NKAIN2: variants seen among roughly 807,000 people sequenced by gnomAD.
NKAIN2 encodes sodium/potassium-transporting ATPase subunit beta-1-interacting protein 2.
NKAIN2 carries 14 observed loss-of-function variants against 32.6 expected under a neutral mutation model. That is an observed-to-expected ratio of 0.43 (90% CI 0.28 to 0.67). NKAIN2 has a LOEUF of 0.67. NKAIN2 is among the 30% of genes least tolerant of loss of function. The probability of loss-of-function intolerance (pLI) is 0.17; values close to 1 mark genes in which losing one functional copy is unlikely to be tolerated. For missense variants in NKAIN2, 198 were observed against 258.3 expected, an observed-to-expected ratio of 0.77 and a Z score of 1.60; for synonymous variants, 80 against 87.2, an observed-to-expected ratio of 0.92 and a Z score of 0.46.
intron 4 of NKAIN2, among the ~76,000 whole-genome samples, chr6:124,715,448 T>C (rs1775706662): frequency 6.6e-6 from 1 of 152,308 alleles, no homozygotes; most frequent in African/African-American, 2.4e-5. Context: ...GACTTAGCCT[T>C]GAGCTCTGCT....
chr6:124,620,885 T>G (rs1783080561), intron 3 of NKAIN2, among the ~76,000 whole-genome samples: 1 of 152,180 alleles, frequency 6.6e-6, no homozygotes, highest in Admixed American at 6.5e-5. Flanking sequence ...AAAACAAGAT[T>G]AGAAACTGTC....
At chr6:123,817,703 T>G (rs1773751897) in intron 1 of NKAIN2, among the ~76,000 whole-genome samples, 1 of 152,164 alleles carries the variant, frequency 6.6e-6, no homozygotes, top group Non-Finnish European at 1.5e-5. Flanking sequence ...GAAAACTCCT[T>G]AGATTATTTT....
intron 3 of NKAIN2, among the ~76,000 whole-genome samples, chr6:124,377,141 G>A (rs1009372385): frequency 2.0e-5 from 3 of 152,132 alleles, no homozygotes; most frequent in African/African-American, 7.2e-5. Context: ...CACTAAAAAT[G>A]GGTGATATTT....
At chr6:124,578,775 C>T (rs948721896) in intron 3 of NKAIN2, among the ~76,000 whole-genome samples, 3 of 152,096 alleles carry the variant, frequency 2.0e-5, no homozygotes, top group African/African-American at 7.2e-5. Context: ...GTGCTGGCTT[C>T]AGGTCTGACC....
At chr6:124,031,404 T>C (rs557592672) in intron 1 of NKAIN2, among the ~76,000 whole-genome samples, 3 of 152,284 alleles carry the variant, frequency 2.0e-5, no homozygotes, top group Middle Eastern at 3.4e-3. Flanking sequence ...TGTGTCTCTA[T>C]CTCCTTCAGT....
intron 4 of NKAIN2, among the ~76,000 whole-genome samples, chr6:124,777,289 A>G (rs1317407070): frequency 2.6e-5 from 4 of 152,180 alleles, no homozygotes. Context: ...GCCAGGGAGA[A>G]TGTAGCCTTT....
chr6:123,979,738 A>G (rs17086390), intron 1 of NKAIN2, among the ~76,000 whole-genome samples: 2,972 of 152,298 alleles, frequency 0.02, 97 homozygotes, highest in African/African-American at 0.068. Context: ...CAGTTAATTC[A>G]AAGAGATGAA....
chr6:124,545,695 C>A (rs1363062494), intron 3 of NKAIN2, among the ~76,000 whole-genome samples: 4 of 151,244 alleles, frequency 2.6e-5, no homozygotes, highest in Non-Finnish European at 4.4e-5. Context: ...TTATTCCTTG[C>A]CTTTGTGTGC....
At chr6:123,978,518 G>T (rs946908577) in intron 1 of NKAIN2, among the ~76,000 whole-genome samples, 12 of 152,180 alleles carry the variant, frequency 7.9e-5, no homozygotes, top group African/African-American at 2.9e-4. Flanking sequence ...CTAACCACCT[G>T]TGCTGATACA....
At chr6:124,046,716 G>T (rs1782151954) in intron 1 of NKAIN2, among the ~76,000 whole-genome samples, 1 of 151,916 alleles carries the variant, frequency 6.6e-6, no homozygotes, top group Non-Finnish European at 1.5e-5. Flanking sequence ...GAGTTCTAGG[G>T]TCTTCTCCAT....
chr6:124,521,319 A>T (rs1779112390), intron 3 of NKAIN2, among the ~76,000 whole-genome samples: 1 of 152,166 alleles, frequency 6.6e-6, no homozygotes, highest in African/African-American at 2.4e-5. Context: ...TTTCTTTTTT[A>T]TTCCTAGTTT....
At chr6:124,815,058 G>C (rs745525141) in intron 5 of NKAIN2, among the ~76,000 whole-genome samples, 4 of 151,546 alleles carry the variant, frequency 2.6e-5, no homozygotes, top group Non-Finnish European at 5.9e-5. Flanking sequence ...CCATGGTAGA[G>C]ACCATCCTAC....
At chr6:123,887,330 G>A (rs184066632) in intron 1 of NKAIN2, among the ~76,000 whole-genome samples, 1 of 152,142 alleles carries the variant, frequency 6.6e-6, no homozygotes, top group Non-Finnish European at 1.5e-5. Flanking sequence ...ATGGTTAAGA[G>A]GCATACTTTT....
Position 124,078,786 on chromosome 6 carries a change from T to G in NKAIN2, c.55-204219T>G, listed in dbSNP as rs73770344. Among the ~76,000 whole-genome samples, 606 of 144,748 alleles carry G rather than the reference T, an allele frequency of 4.2e-3. 3 individuals carry two copies. Among genetic ancestry groups the G allele is most frequent in the African/African-American group, 0.014 (542 of 39,092 alleles). The allele number at this position is 144,748 out of a possible 152,430, so 95.0% of individuals were successfully genotyped here. On this transcript the variant is annotated intron_variant, in intron 1 of 6. Transcript: ENST00000368417. Reference sequence around the variant, plus strand: ...CAAGCCAAAAATGGCTATGTCGTTTTTGTGTGTGTGTGTGTGTGTGTGTGT... The same window carrying G: ...CAAGCCAAAAATGGCTATGTCGTTTGTGTGTGTGTGTGTGTGTGTGTGTGT...
chr6:123,927,632 T>C (rs1230133081), intron 1 of NKAIN2, among the ~76,000 whole-genome samples: 1 of 152,178 alleles, frequency 6.6e-6, no homozygotes, highest in Non-Finnish European at 1.5e-5. Flanking sequence ...GGTGCTTATT[T>C]CTCTAGTGAC....
chr6:124,299,896 T>C (rs899251300), intron 2 of NKAIN2, among the ~76,000 whole-genome samples: 5 of 152,238 alleles, frequency 3.3e-5, no homozygotes, highest in Admixed American at 6.5e-5. Context: ...CACATTTCTT[T>C]CCCAGTATGT....
At chr6:124,209,737 T>C (rs1791077721) in intron 1 of NKAIN2, among the ~76,000 whole-genome samples, 1 of 151,912 alleles carries the variant, frequency 6.6e-6, no homozygotes, top group South Asian at 2.1e-4. Context: ...CATATACCTG[T>C]TGGACATTTG....
At chr6:124,123,619 T>C (rs1359179931) in intron 1 of NKAIN2, among the ~76,000 whole-genome samples, 1 of 152,128 alleles carries the variant, frequency 6.6e-6, no homozygotes, top group Non-Finnish European at 1.5e-5. Flanking sequence ...GATAAAAAAA[T>C]GACATGGAAC....
At chr6:124,356,394 T>G (rs538675521) in intron 3 of NKAIN2, among the ~76,000 whole-genome samples, 29 of 152,294 alleles carry the variant, frequency 1.9e-4, no homozygotes, top group African/African-American at 6.0e-4. Flanking sequence ...TGGCTTTATA[T>G]CAAGGAAAAA....
Sources: allele counts gnomAD v4.1 joint callset (sites outside exome capture counted in the v4.1 genomes callset), GRCh38; gene constraint gnomAD v4.1.1; transcripts MANE v1.5; gene names NCBI Gene and HGNC (gene_info 2026-07-23, HGNC 2026-07-21).